The following CSMD3 variants were observed in gnomAD, a reference collection of about 807,000 sequenced individuals.
CSMD3 encodes the protein CUB and sushi domain-containing protein 3.
In CSMD3, 177 loss-of-function variants were observed where a neutral mutation model predicts 435.2. That is an observed-to-expected ratio of 0.41 (90% CI 0.36 to 0.46). CSMD3 has a LOEUF of 0.46. Among genes scored for constraint, CSMD3 ranks in the 20% least tolerant of loss-of-function variants. The probability of loss-of-function intolerance (pLI) is 0.34; values close to 1 mark genes in which losing one functional copy is unlikely to be tolerated. For missense variants in CSMD3, 4,265 were observed against 4,504.6 expected, an observed-to-expected ratio of 0.95 and a Z score of 1.52; for synonymous variants, 1,656 against 1,520.5, an observed-to-expected ratio of 1.09 and a Z score of -2.07.
At chr8:112,867,503 CACAAATCTAGATTGTGTAGCCTACT>C (rs1372977574) in intron 10 of CSMD3, among the ~76,000 whole-genome samples, 42 of 152,124 alleles carry the variant, frequency 2.8e-4, no homozygotes, top group East Asian at 1.6e-3. Flanking sequence ...GTGCTTACTA[CACAAATCTAGATTGTGTAGCCTACT>C]ACAAATCTAG....
intron 2 of CSMD3, among the ~76,000 whole-genome samples, chr8:113,303,757 C>A (rs1350595781): frequency 4.5e-5 from 6 of 134,556 alleles, no homozygotes; most frequent in African/African-American, 8.3e-5. Flanking sequence ...ATACAAAAAT[C>A]AATTCAAGAT....
At chr8:113,028,839 G>A (rs2086973054) in intron 5 of CSMD3, among the ~76,000 whole-genome samples, 1 of 151,588 alleles carries the variant, frequency 6.6e-6, no homozygotes, top group Non-Finnish European at 1.5e-5. Flanking sequence ...AGTGCAAGGT[G>A]CATCAGCATA....
Position 112,954,686 on chromosome 8 carries a change from A to T in CSMD3, c.1418T>A (p.Ile473Asn), listed in dbSNP as rs775496082. ...TAACAAAAAAGAAGTACACTCACAG[A>T]TAGAAAACTTGTTGCTGTTGTCTTT... is the stretch of plus-strand genomic sequence containing the variant. ...PGKDNSNKFS[I>N]LNEGGIKTAS... The change falls in exon 8 of 71, where the codon ATC (isoleucine) becomes AAC (asparagine). Residue 473 changes from isoleucine to asparagine, a missense_variant and splice_region_variant. Physicochemically the swap from Ile to Asn is moderately radical, Grantham distance 149. Coordinates refer to ENST00000297405, the MANE Select transcript of CSMD3 (RefSeq NM_198123.2). The T allele has an allele frequency of 4.4e-6, 7 of 1,587,030 alleles. No individual in the cohort carries two copies. The highest frequency in any genetic ancestry group is 1.7e-4 in the Middle Eastern group (1 of 6,006).
intron 4 of CSMD3, among the ~76,000 whole-genome samples, chr8:113,111,292 G>A (rs1055993168): frequency 6.6e-6 from 1 of 152,158 alleles, no homozygotes; most frequent in South Asian, 2.1e-4. Flanking sequence ...TTTACTATGT[G>A]GGATAATTAA....
chr8:112,650,434 A>C lies in CSMD3; in HGVS notation c.3005-85T>G, dbSNP rs908398178. The C allele has an allele frequency of 5.7e-6, 6 of 1,055,046 alleles. No individual in the cohort carries two copies. In the African/African-American group the frequency reaches 9.4e-5, roughly 17 times the overall value. The allele number at this position is 1,055,046 out of a possible 1,614,324, so 65.4% of individuals were successfully genotyped here. ...ATAATTCCTAGTTCTTCAAACAATT[A>C]CAAGCAATGATTTTTACAAATAAAG... On this transcript the variant is annotated intron_variant, in intron 18 of 70. Coordinates refer to ENST00000297405, the MANE Select transcript of CSMD3 (RefSeq NM_198123.2).
intron 38 of CSMD3, among the ~76,000 whole-genome samples, chr8:112,359,656 T>C (rs75863868): frequency 6.6e-6 from 1 of 152,132 alleles, no homozygotes; most frequent in African/African-American, 2.4e-5. Flanking sequence ...ATAAAAGCAG[T>C]GACTTGATAG....
chr8:113,046,789 C>T (rs1056130063), intron 5 of CSMD3, among the ~76,000 whole-genome samples: 1 of 152,098 alleles, frequency 6.6e-6, no homozygotes, highest in Non-Finnish European at 1.5e-5. Flanking sequence ...TTTCTGAATC[C>T]CAGGGCTGGA....
At chr8:112,553,986 T>G (rs1282258963) in intron 25 of CSMD3, among the ~76,000 whole-genome samples, 1 of 151,940 alleles carries the variant, frequency 6.6e-6, no homozygotes. Context: ...CCTCATCCAA[T>G]AAATTTGAAG....
chr8:112,648,472 A>G (rs2075041040), intron 19 of CSMD3, among the ~76,000 whole-genome samples: 1 of 152,184 alleles, frequency 6.6e-6, no homozygotes. Context: ...GGACAGAAAC[A>G]TCACTGAAAA....
chr8:112,760,832 G>T (rs139058947), intron 13 of CSMD3, among the ~76,000 whole-genome samples: 27 of 152,202 alleles, frequency 1.8e-4, no homozygotes, highest in African/African-American at 6.5e-4. Context: ...ATCTGCAAGG[G>T]TTTTCTAGTT....
At chr8:112,915,231 C>T (rs2082539131) in intron 10 of CSMD3, among the ~76,000 whole-genome samples, 1 of 151,788 alleles carries the variant, frequency 6.6e-6, no homozygotes, top group Non-Finnish European at 1.5e-5. Context: ...CATTACATTT[C>T]AGATTTTTTT....
At chr8:113,185,539 C>G (rs2092485776) in intron 3 of CSMD3, among the ~76,000 whole-genome samples, 1 of 152,048 alleles carries the variant, frequency 6.6e-6, no homozygotes, top group Non-Finnish European at 1.5e-5. Context: ...TGTAAGCCAG[C>G]CCTTCATGCT....
intron 29 of CSMD3, 69 bp from the exon 30 acceptor site, chr8:112,504,046 A>G (rs1347008329): frequency 5.4e-6 from 5 of 933,892 alleles, no homozygotes; most frequent in Middle Eastern, 4.5e-4. Context: ...GCTGTTAACC[A>G]TAATAGTTAT....
intron 10 of CSMD3, 73 bp downstream of exon 10, chr8:112,921,554 T>C (rs2130628625): frequency 8.2e-7 from 1 of 1,225,016 alleles, no homozygotes. Context: ...AAGACTTAAT[T>C]GCAACTTAAT....
intron 1 of CSMD3, among the ~76,000 whole-genome samples, chr8:113,404,770 G>C (rs1326063950): frequency 6.6e-6 from 1 of 151,212 alleles, no homozygotes; most frequent in Non-Finnish European, 1.5e-5. Context: ...AAAAGATAAA[G>C]GAACACAAAA....
At position 113,376,672 on chromosome 8, in the gene CSMD3, G is replaced by A. The variant is rs1191665630; in HGVS notation, c.178+60005C>T. 2.6e-5 allele frequency: 41 copies of A among 1,581,816 alleles called. No homozygotes were observed. In the Admixed American group the frequency reaches 6.8e-4, roughly 26 times the overall value. On this transcript the variant is annotated intron_variant, in intron 1 of 70. Coordinates refer to ENST00000297405, the MANE Select transcript of CSMD3 (RefSeq NM_198123.2). ...TGGCCAGGCAGGAGGCGCCATCATG[G>A]GAGTTGACACCCGCCACAAGGACCG...
intron 59 of CSMD3, among the ~76,000 whole-genome samples, chr8:112,266,549 C>A (rs1017649149): frequency 4.6e-5 from 7 of 152,126 alleles, no homozygotes; most frequent in African/African-American, 1.7e-4. Context: ...AGATGGCTAT[C>A]ACAGAGCATT....
chr8:112,777,009 A>G (rs937074409), intron 13 of CSMD3, among the ~76,000 whole-genome samples: 2 of 151,724 alleles, frequency 1.3e-5, no homozygotes, highest in African/African-American at 4.8e-5. Context: ...GCTTTTGTAC[A>G]TTTTTTAGTA....
At chr8:112,323,486 A>G (rs984430057) in intron 45 of CSMD3, among the ~76,000 whole-genome samples, 8 of 152,052 alleles carry the variant, frequency 5.3e-5, no homozygotes, top group African/African-American at 1.9e-4. Context: ...AAGGTTGTAT[A>G]AAATTATGGG....
Sources: allele counts gnomAD v4.1 joint callset (sites outside exome capture counted in the v4.1 genomes callset), GRCh38; gene constraint gnomAD v4.1.1; transcripts MANE v1.5; gene names NCBI Gene and HGNC (gene_info 2026-07-23, HGNC 2026-07-21).